The following ZC2HC1A variants were observed in gnomAD, a reference collection of about 807,000 sequenced individuals.
ZC2HC1A encodes zinc finger C2HC-type containing 1A.
ZC2HC1A carries 28 observed loss-of-function variants against 40.7 expected under a neutral mutation model. That is an observed-to-expected ratio of 0.69 (90% CI 0.51 to 0.94). The LOEUF (loss-of-function observed/expected upper bound fraction) is 0.94, where lower values mean the gene tolerates loss of function less well. Among genes scored for constraint, ZC2HC1A ranks in the 40% least tolerant of loss-of-function variants. ZC2HC1A has a pLI of 0.00. For missense variants in ZC2HC1A, 389 were observed against 386.3 expected, an observed-to-expected ratio of 1.01 and a Z score of -0.06; for synonymous variants, 129 against 129.2, an observed-to-expected ratio of 1.00 and a Z score of 0.01.
chr8:78,673,701 G>A (rs887402383), intron 1 of ZC2HC1A, among the ~76,000 whole-genome samples: 1 of 152,110 alleles, frequency 6.6e-6, no homozygotes, highest in African/African-American at 2.4e-5. Context: ...AGTTCCCTCC[G>A]TAGGTCTTGA....
chr8:78,718,645 C>CATTTTCATTAA lies in ZC2HC1A; in HGVS notation c.*1154_*1155insTTTCATTAAAT, dbSNP rs1811176454. 1 of 151,768 alleles carries CATTTTCATTAA rather than the reference C, an allele frequency of 6.6e-6. No homozygotes were observed. The highest frequency in any genetic ancestry group is 2.4e-5 in the African/African-American group (1 of 41,414). 9.4% of individuals were successfully genotyped at this position (151,768 alleles called of 1,614,324 possible). ...CCACTGAAAATGTATTGTTTTAATGCATAATTGACTTACCTAATTAAACAT... is the reference window on the plus strand; with the variant it reads ...CCACTGAAAATGTATTGTTTTAATGCATTTTCATTAAATAATTGACTTACCTAATTAAACAT... On this transcript the variant is annotated 3_prime_UTR_variant, in exon 9 of 9. Coordinates refer to ENST00000263849, the MANE Select transcript of ZC2HC1A (RefSeq NM_016010.3).
At chr8:78,668,603 T>A (rs1365591607) in intron 1 of ZC2HC1A, among the ~76,000 whole-genome samples, 2 of 152,214 alleles carry the variant, frequency 1.3e-5, no homozygotes, top group Non-Finnish European at 2.9e-5. Flanking sequence ...GTCTTTATGC[T>A]TCTTGAATAG....
intron 2 of ZC2HC1A, among the ~76,000 whole-genome samples, chr8:78,676,584 A>G (rs1222387852): frequency 6.6e-6 from 1 of 152,046 alleles, no homozygotes; most frequent in East Asian, 1.9e-4. Context: ...GTGAATGTAT[A>G]TCTGCTGATT....
rs572910484 is a variant in ZC2HC1A at position 78,701,116 on chromosome 8, A to T, written c.704+2603A>T. ...CATTTTAACAATATTGATTCTCCCT[A>T]TCCATGAGCATGGAATATTTTTTCA... On this transcript the variant is annotated intron_variant, in intron 7 of 8. Coordinates refer to ENST00000263849, the MANE Select transcript of ZC2HC1A (RefSeq NM_016010.3). Among the ~76,000 whole-genome samples the T allele has an allele frequency of 3.3e-5, 5 of 152,294 alleles. No homozygotes were observed. In the South Asian group the frequency reaches 1.0e-3, roughly 32 times the overall value.
At chr8:78,690,464 G>A (rs1810173252) in intron 5 of ZC2HC1A, among the ~76,000 whole-genome samples, 2 of 151,846 alleles carry the variant, frequency 1.3e-5, no homozygotes, top group African/African-American at 4.8e-5. Flanking sequence ...GGAGGCTGAG[G>A]CAGGAGAATG....
intron 8 of ZC2HC1A, among the ~76,000 whole-genome samples, chr8:78,715,777 C>T (rs915328137): frequency 6.6e-6 from 1 of 152,034 alleles, no homozygotes; most frequent in African/African-American, 2.4e-5. Context: ...TGGTGGCTCA[C>T]GCCTGTAATC....
intron 5 of ZC2HC1A, among the ~76,000 whole-genome samples, chr8:78,696,516 G>A (rs1057291134): frequency 3.3e-5 from 5 of 152,190 alleles, no homozygotes; most frequent in African/African-American, 9.7e-5. Flanking sequence ...TGCTATTGAA[G>A]CAGGTGATCA....
At chr8:78,684,003 A>G (rs1481884075) in intron 3 of ZC2HC1A, among the ~76,000 whole-genome samples, 1 of 152,226 alleles carries the variant, frequency 6.6e-6, no homozygotes, top group Non-Finnish European at 1.5e-5. Context: ...TTTGTTGTCC[A>G]TATCACTATT....
intron 2 of ZC2HC1A, among the ~76,000 whole-genome samples, chr8:78,676,948 CAT>C (rs1371457962): frequency 1.3e-5 from 2 of 151,968 alleles, no homozygotes; most frequent in African/African-American, 4.8e-5. Context: ...TAATAAGGAA[CAT>C]ATGTACATGG....
chr8:78,716,804 A>G (rs2717539), intron 8 of ZC2HC1A, among the ~76,000 whole-genome samples: 104,202 of 152,036 alleles, frequency 0.69, 36,568 homozygotes, highest in East Asian at 0.91. Flanking sequence ...CGATTGGATC[A>G]TGGGGGTGGA....
chr8:78,673,145 T>G (rs1809481948), intron 1 of ZC2HC1A, among the ~76,000 whole-genome samples: 1 of 152,166 alleles, frequency 6.6e-6, no homozygotes, highest in Non-Finnish European at 1.5e-5. Context: ...AGCTCCCACT[T>G]ATGAATAAGA....
chr8:78,716,571 G>A (rs1035530012), intron 8 of ZC2HC1A, among the ~76,000 whole-genome samples: 2 of 152,098 alleles, frequency 1.3e-5, no homozygotes, highest in African/African-American at 4.8e-5. Context: ...TTGTGACCAA[G>A]GAGAGAGACT....
chr8:78,673,450 C>G (rs1287694329), intron 1 of ZC2HC1A, among the ~76,000 whole-genome samples: 1 of 152,138 alleles, frequency 6.6e-6, no homozygotes, highest in Non-Finnish European at 1.5e-5. Context: ...ATTGCTGGGT[C>G]AAATGGTATT....
chr8:78,669,057 A>G (rs1357882018), intron 1 of ZC2HC1A, among the ~76,000 whole-genome samples: 1 of 143,242 alleles, frequency 7.0e-6, no homozygotes, highest in African/African-American at 2.5e-5. Context: ...TGGTTTAAAG[A>G]TAGTCGTGTC....
At chr8:78,669,956 T>C (rs1366728874) in intron 1 of ZC2HC1A, among the ~76,000 whole-genome samples, 9 of 62,248 alleles carry the variant, frequency 1.4e-4, no homozygotes, top group East Asian at 8.8e-4. Context: ...TATTTCTTTC[T>C]TTCTTTCTTT....
At chr8:78,691,625 T>A (rs1270399237) in intron 5 of ZC2HC1A, among the ~76,000 whole-genome samples, 2 of 152,308 alleles carry the variant, frequency 1.3e-5, no homozygotes, top group Non-Finnish European at 2.9e-5. Context: ...TCTCCTTTTG[T>A]AATTTTTTTA....
intron 7 of ZC2HC1A, among the ~76,000 whole-genome samples, chr8:78,702,067 CT>C (rs1810623906): frequency 6.6e-6 from 1 of 152,070 alleles, no homozygotes; most frequent in South Asian, 2.1e-4. Context: ...CTTTGTGCAT[CT>C]AGTAGAATTC....
chr8:78,715,580 TTAA>T (rs1357232885), intron 8 of ZC2HC1A, among the ~76,000 whole-genome samples: 1 of 152,116 alleles, frequency 6.6e-6, no homozygotes, highest in African/African-American at 2.4e-5. Context: ...AATATCCACA[TTAA>T]TAAGAGTTTG....
intron 1 of ZC2HC1A, among the ~76,000 whole-genome samples, chr8:78,671,501 T>C (rs1809437598): frequency 2.6e-5 from 4 of 152,192 alleles, no homozygotes. Flanking sequence ...TTTTTGCCAC[T>C]TAGGAAAGGT....
Sources: gnomAD v4.1 joint callset for allele counts (sites outside exome capture counted in the v4.1 genomes callset) on GRCh38, gnomAD v4.1.1 for gene constraint, MANE v1.5 for transcripts, NCBI Gene and HGNC (gene_info 2026-07-23, HGNC 2026-07-21) for gene names.